ALK: variants seen among roughly 807,000 people sequenced by gnomAD.
ALK encodes ALK receptor tyrosine kinase, also known as ALK tyrosine kinase receptor.
Under a neutral mutation model 163.1 loss-of-function variants are expected in ALK, and 74 were observed. That is an observed-to-expected ratio of 0.45 (90% CI 0.38 to 0.55). The LOEUF (loss-of-function observed/expected upper bound fraction) is 0.55. Ranked by LOEUF, ALK falls within the 20% of genes least tolerant of loss-of-function variation. The pLI, the probability that ALK is intolerant of heterozygous loss-of-function variation, is 0.00. For synonymous variants in ALK, 960 were observed against 843.2 expected (o/e 1.14, Z -2.40); for missense variants, 2,063 against 2,105.3 (o/e 0.98, Z 0.39).
intron 3 of ALK, among the ~76,000 whole-genome samples, chr2:29,673,554 A>C (rs1677774135): frequency 9.3e-6 from 1 of 107,422 alleles, no homozygotes; most frequent in African/African-American, 4.1e-5. Flanking sequence ...TTTTGGTACC[A>C]GTACCATGCT....
intron 4 of ALK, among the ~76,000 whole-genome samples, chr2:29,388,129 C>T (rs1051008351): frequency 3.3e-5 from 5 of 152,176 alleles, no homozygotes. Context: ...CCCACAGCTC[C>T]CTACCAGCTT....
chr2:29,256,698 G>A (rs2148202182), intron 11 of ALK, among the ~76,000 whole-genome samples: 1 of 152,074 alleles, frequency 6.6e-6, no homozygotes, highest in South Asian at 2.1e-4. Context: ...CCAAAGAGTA[G>A]GCAGGCCACT....
chr2:29,615,146 T>G (rs1346959175), intron 3 of ALK, among the ~76,000 whole-genome samples: 2 of 151,986 alleles, frequency 1.3e-5, no homozygotes, highest in African/African-American at 4.8e-5. Flanking sequence ...AGACCTGGAG[T>G]ATCTATGCTC....
intron 8 of ALK, among the ~76,000 whole-genome samples, chr2:29,302,510 C>G (rs1183228880): frequency 6.6e-6 from 1 of 152,158 alleles, no homozygotes; most frequent in African/African-American, 2.4e-5. Context: ...AAGAGCAAGA[C>G]TTCGTCTCAA....
At chr2:29,449,011 C>G (rs1409214605) in intron 4 of ALK, among the ~76,000 whole-genome samples, 4 of 152,170 alleles carry the variant, frequency 2.6e-5, no homozygotes, top group Non-Finnish European at 5.9e-5. Context: ...ATCATGACAT[C>G]CACTGCTTGA....
chr2:29,920,282 C>A lies in ALK; in HGVS notation c.378G>T (p.Val126=), dbSNP rs1667955960. ...GCTTGCGCACGGAGCCGCCCTTCAG[C>A]ACCCTGGACAGCGTCCGGGCCTCTG... is the stretch of plus-strand genomic sequence containing the variant. ...APAEARTLSR[V]LKGGSVRKLR... Residue 126 remains valine (V), a synonymous_variant, in exon 1 of 29, where the codon GTG becomes GTT. Coordinates refer to ENST00000389048, the MANE Select transcript of ALK (RefSeq NM_004304.5). 1.9e-6 allele frequency: 3 copies of A among 1,582,944 alleles called. No individual in the cohort carries two copies. The highest frequency in any genetic ancestry group is 2.6e-6 in the Non-Finnish European group (3 of 1,165,470).
intron 1 of ALK, among the ~76,000 whole-genome samples, chr2:29,754,954 G>A (rs1680472036): frequency 6.6e-6 from 1 of 152,292 alleles, no homozygotes; most frequent in Non-Finnish European, 1.5e-5. Context: ...ACGCCAGCAT[G>A]GATGTGCAGA....
chr2:29,346,960 G>T (rs1365608880), intron 5 of ALK, among the ~76,000 whole-genome samples: 1 of 152,146 alleles, frequency 6.6e-6, no homozygotes, highest in Non-Finnish European at 1.5e-5. Flanking sequence ...CTTACCCGAT[G>T]GTCAGATGTG....
chr2:29,539,251 T>C (rs1179095779), intron 3 of ALK, among the ~76,000 whole-genome samples: 1 of 152,172 alleles, frequency 6.6e-6, no homozygotes, highest in African/African-American at 2.4e-5. Context: ...AAGAATGCAT[T>C]CTACTCCAAG....
intron 3 of ALK, among the ~76,000 whole-genome samples, chr2:29,604,756 C>A (rs752022017): frequency 9.9e-5 from 15 of 152,172 alleles, no homozygotes; most frequent in Non-Finnish European, 1.6e-4. Context: ...TCAGATCTTG[C>A]TTTGTTCTGC....
At chr2:29,753,077 AC>A (rs1573607655) in intron 1 of ALK, among the ~76,000 whole-genome samples, 1 of 152,154 alleles carries the variant, frequency 6.6e-6, no homozygotes, top group East Asian at 1.9e-4. Context: ...TTTGAATGTC[AC>A]ACAGTTCTGC....
intron 4 of ALK, among the ~76,000 whole-genome samples, chr2:29,471,252 C>G (rs917735525): frequency 2.0e-5 from 3 of 152,056 alleles, no homozygotes; most frequent in Non-Finnish European, 4.4e-5. Flanking sequence ...AAACTCTTAG[C>G]AGAAGATAGA....
chr2:29,879,783 C>T (rs570055989), intron 1 of ALK, among the ~76,000 whole-genome samples: 1 of 152,282 alleles, frequency 6.6e-6, no homozygotes, highest in African/African-American at 2.4e-5. Context: ...GAATGCTTTT[C>T]TTTTAGGGAA....
In ALK at chr2:29,829,081, C is replaced by T. The variant is rs530188962; in HGVS notation, c.667+90912G>A. ...ATCGCAAGGACAAAAAACCAAACAC[C>T]GCATGTTCTCACTCATAGGTGGAAA... On this transcript the variant is annotated intron_variant, in intron 1 of 28. Coordinates refer to ENST00000389048, the MANE Select transcript of ALK (RefSeq NM_004304.5). 7.4e-3 allele frequency among the ~76,000 whole-genome samples: 1,089 copies of T among 147,298 alleles called. 15 individuals are homozygous for T. Among genetic ancestry groups the T allele is most frequent in the African/African-American group, 0.026 (1,036 of 39,698 alleles).
chr2:29,761,033 G>C (rs1340958204), intron 1 of ALK, among the ~76,000 whole-genome samples: 3 of 152,160 alleles, frequency 2.0e-5, no homozygotes, highest in African/African-American at 7.2e-5. Context: ...GTTCATGCCT[G>C]CCTGGGGACA....
intron 4 of ALK, among the ~76,000 whole-genome samples, chr2:29,496,421 T>A (rs1205824169): frequency 6.6e-6 from 1 of 152,206 alleles, no homozygotes; most frequent in Non-Finnish European, 1.5e-5. Flanking sequence ...GCAGGCTGTG[T>A]CCTGCACAGG....
At chr2:29,892,662 G>A (rs1363299390) in intron 1 of ALK, among the ~76,000 whole-genome samples, 3 of 152,162 alleles carry the variant, frequency 2.0e-5, no homozygotes, top group African/African-American at 7.2e-5. Context: ...CACATGATTC[G>A]TAAGTGGCAG....
intron 1 of ALK, among the ~76,000 whole-genome samples, chr2:29,727,807 T>C (rs1364229804): frequency 6.6e-6 from 1 of 152,206 alleles, no homozygotes; most frequent in Non-Finnish European, 1.5e-5. Flanking sequence ...CATCTTGCAT[T>C]GTTAACAATG....
At chr2:29,368,573 A>G (rs1668567339) in intron 5 of ALK, among the ~76,000 whole-genome samples, 1 of 152,214 alleles carries the variant, frequency 6.6e-6, no homozygotes, top group South Asian at 2.1e-4. Context: ...TGGTGGGGAA[A>G]TGGACAGACC....
Sources: gnomAD v4.1 joint callset for allele counts (sites outside exome capture counted in the v4.1 genomes callset) on GRCh38, gnomAD v4.1.1 for gene constraint, MANE v1.5 for transcripts, NCBI Gene and HGNC (gene_info 2026-07-23, HGNC 2026-07-21) for gene names.